Variants in FRMD4A observed in about 807,000 individuals in gnomAD.
FRMD4A encodes the protein FERM domain-containing protein 4A.
In FRMD4A, 29 loss-of-function variants were observed where a neutral mutation model predicts 129.1. That is an observed-to-expected ratio of 0.22 (90% CI 0.17 to 0.31). The LOEUF (loss-of-function observed/expected upper bound fraction) is 0.31, where lower values mean the gene tolerates loss of function less well. Among genes scored for constraint, FRMD4A ranks in the 10% least tolerant of loss-of-function variants. The pLI is 1.00. For synonymous variants in FRMD4A, 634 were observed against 571.6 expected (o/e 1.11, Z -1.56); for missense variants, 1,272 against 1,375.8 (o/e 0.92, Z 1.19).
intron 2 of FRMD4A, among the ~76,000 whole-genome samples, chr10:13,939,654 G>A (rs995411510): frequency 1.2e-4 from 18 of 152,188 alleles, no homozygotes; most frequent in Non-Finnish European, 2.2e-4. Flanking sequence ...ACTAAATATA[G>A]AATGGAACAA....
At chr10:13,786,381 G>T (rs1031570933) in intron 5 of FRMD4A, among the ~76,000 whole-genome samples, 14 of 152,176 alleles carry the variant, frequency 9.2e-5, no homozygotes, top group African/African-American at 3.1e-4. Context: ...AAGATGTGTG[G>T]ATCAACTGAG....
At chr10:13,927,186 G>A (rs553009648) in intron 2 of FRMD4A, among the ~76,000 whole-genome samples, 1 of 152,214 alleles carries the variant, frequency 6.6e-6, no homozygotes, top group South Asian at 2.1e-4. Flanking sequence ...GAACCCGGGA[G>A]GCAGAGGTTG....
At chr10:14,311,236 G>T (rs548758476) in intron 2 of FRMD4A, among the ~76,000 whole-genome samples, 1 of 152,104 alleles carries the variant, frequency 6.6e-6, no homozygotes, top group South Asian at 2.1e-4. Context: ...CCCCACCATC[G>T]CAGTCCCTAA....
intron 2 of FRMD4A, among the ~76,000 whole-genome samples, chr10:14,050,635 G>C (rs1171110405): frequency 6.6e-6 from 1 of 151,968 alleles, no homozygotes; most frequent in African/African-American, 2.4e-5. Flanking sequence ...CCCACTCCCT[G>C]ACCTCCAGGG....
At chr10:13,663,731 C>A (rs941549056) in intron 18 of FRMD4A, among the ~76,000 whole-genome samples, 2 of 152,172 alleles carry the variant, frequency 1.3e-5, no homozygotes, top group Admixed American at 1.3e-4. Flanking sequence ...TGCCCATGTG[C>A]CCTAGCCTTT....
intron 2 of FRMD4A, among the ~76,000 whole-genome samples, chr10:14,177,103 G>T (rs767517944): frequency 2.0e-5 from 3 of 152,150 alleles, no homozygotes; most frequent in African/African-American, 7.2e-5. Flanking sequence ...GACATGTAAA[G>T]GTTCATGAAC....
intron 2 of FRMD4A, among the ~76,000 whole-genome samples, chr10:14,241,683 TAAAAAAAAAAAAA>T (rs71388168): frequency 0.029 from 683 of 23,414 alleles, 38 homozygotes; most frequent in African/African-American, 0.11. Flanking sequence ...TTACCCTCCC[TAAAAAAAAAAAAA>T]AAAAAAAAAA....
intron 2 of FRMD4A, among the ~76,000 whole-genome samples, chr10:13,874,245 C>CAAAGAA (rs2094468072): frequency 1.3e-5 from 1 of 76,410 alleles, no homozygotes; most frequent in African/African-American, 5.5e-5. Context: ...GACACTGTCT[C>CAAAGAA]AAAAAAAAAA....
chr10:14,269,822 C>T (rs1024272124), intron 2 of FRMD4A, among the ~76,000 whole-genome samples: 4 of 152,128 alleles, frequency 2.6e-5, no homozygotes, highest in African/African-American at 7.2e-5. Context: ...TGAATCACTG[C>T]ATTAATTATT....
At chr10:14,183,422 C>T (rs559364272) in intron 2 of FRMD4A, among the ~76,000 whole-genome samples, 1 of 152,290 alleles carries the variant, frequency 6.6e-6, no homozygotes, top group South Asian at 2.1e-4. Flanking sequence ...GTCCCTTTAA[C>T]AGTACTGGGA....
intron 2 of FRMD4A, among the ~76,000 whole-genome samples, chr10:14,226,363 A>G (rs1397851836): frequency 6.6e-6 from 1 of 152,184 alleles, no homozygotes; most frequent in East Asian, 1.9e-4. Context: ...GCAGACACCC[A>G]AAGTTGACAT....
At chr10:13,726,512 G>A (rs1374369278) in intron 12 of FRMD4A, among the ~76,000 whole-genome samples, 1 of 152,192 alleles carries the variant, frequency 6.6e-6, no homozygotes, top group Non-Finnish European at 1.5e-5. Context: ...TGTATGCAGA[G>A]CAGTGGGCCT....
chr10:13,681,757 G>T (rs1327988568), intron 15 of FRMD4A, among the ~76,000 whole-genome samples: 2 of 152,138 alleles, frequency 1.3e-5, no homozygotes, highest in Non-Finnish European at 2.9e-5. Context: ...CAGCTGTGGG[G>T]ACTTGGGAAG....
At chr10:14,288,345 G>A (rs895290306) in intron 2 of FRMD4A, among the ~76,000 whole-genome samples, 4 of 152,162 alleles carry the variant, frequency 2.6e-5, no homozygotes, top group African/African-American at 9.7e-5. Context: ...GGGGCTGGAG[G>A]TAAGGGAAGG....
chr10:14,214,716 A>G (rs1304756189), intron 2 of FRMD4A, among the ~76,000 whole-genome samples: 2 of 152,200 alleles, frequency 1.3e-5, no homozygotes, highest in African/African-American at 4.8e-5. Context: ...TGTTTGATAT[A>G]TTTCCCATGT....
intron 2 of FRMD4A, among the ~76,000 whole-genome samples, chr10:14,048,904 A>ATAGAATAG (rs1233151111): frequency 4.1e-5 from 6 of 144,868 alleles, no homozygotes; most frequent in African/African-American, 1.5e-4. Context: ...ATAGAATAGA[A>ATAGAATAG]AATAAAATGA....
chr10:14,160,026 G>C (rs962087108), intron 2 of FRMD4A, among the ~76,000 whole-genome samples: 2 of 152,060 alleles, frequency 1.3e-5, no homozygotes, highest in Non-Finnish European at 2.9e-5. Context: ...CTCCAGCCTG[G>C]GCAACAGAGC....
At position 14,330,921 on chromosome 10, in the gene FRMD4A, A is replaced by G; in HGVS notation, c.-406T>C. The G allele has an allele frequency of 7.5e-6, 3 of 398,478 alleles. No individual in the cohort carries two copies. The highest frequency in any genetic ancestry group is 1.3e-5 in the Non-Finnish European group (3 of 226,030). 24.7% of individuals were successfully genotyped at this position (398,478 alleles called of 1,614,324 possible). A position where few individuals can be genotyped will look rare whatever the true frequency, so the allele number is the denominator to read the frequency against. ...GCTGTACCACATGTACGCCGCATAC[A>G]GACACACTCTACCTCTCTCTCCCTC... On this transcript the variant is annotated 5_prime_UTR_variant, in exon 1 of 25. Transcript: ENST00000357447.
At chr10:14,322,067 G>A (rs897478644) in intron 2 of FRMD4A, among the ~76,000 whole-genome samples, 1 of 152,150 alleles carries the variant, frequency 6.6e-6, no homozygotes, top group Non-Finnish European at 1.5e-5. Context: ...TACAGCCTGC[G>A]AAACTGTGAG....
Sources: allele counts gnomAD v4.1 joint callset (sites outside exome capture counted in the v4.1 genomes callset), GRCh38; gene constraint gnomAD v4.1.1; transcripts MANE v1.5; gene names NCBI Gene and HGNC (gene_info 2026-07-23, HGNC 2026-07-21).